NLGN1: variants seen among roughly 807,000 people sequenced by gnomAD.
The protein encoded by NLGN1 is neuroligin-1.
A neutral mutation model predicts 65.5 loss-of-function variants in NLGN1; 12 were observed. The ratio of observed to expected loss-of-function variants is 0.18; its 90% confidence interval spans 0.12 to 0.30. The LOEUF is 0.30. Among genes scored for constraint, NLGN1 ranks in the 10% least tolerant of loss-of-function variants. The pLI is 1.00. For synonymous variants in NLGN1, 350 were observed against 359.5 expected, an observed-to-expected ratio of 0.97 and a Z score of 0.30; for missense variants, 750 against 1,007.1, an observed-to-expected ratio of 0.74 and a Z score of 3.46.
rs568664441 is a variant in NLGN1, at chr3:174,041,919, T to G, written c.647-233396T>G. ...AAATACAAAAATTACCTGGGTGTGT[T>G]GGCAGGTGCCTGTAATTCCAGCTAT... On this transcript the variant is annotated intron_variant, in intron 4 of 6. Transcript: ENST00000457714. Among the ~76,000 whole-genome samples, 364 of 152,278 alleles carry G rather than the reference T, an allele frequency of 2.4e-3. 2 individuals are homozygous for G. The highest frequency in any genetic ancestry group is 0.015 in the South Asian group (72 of 4,824).
intron 3 of NLGN1, among the ~76,000 whole-genome samples, chr3:173,772,271 G>T (rs556803293): frequency 6.6e-6 from 1 of 152,074 alleles, no homozygotes; most frequent in South Asian, 2.1e-4. Context: ...AATCAAATTT[G>T]TTCACATTTT....
At chr3:173,515,367 T>A (rs1733656956) in intron 2 of NLGN1, among the ~76,000 whole-genome samples, 1 of 152,160 alleles carries the variant, frequency 6.6e-6, no homozygotes, top group Non-Finnish European at 1.5e-5. Context: ...ATTGAGTCCC[T>A]TATATATTTT....
chr3:173,590,351 A>ATACATAT (rs1748261989), intron 2 of NLGN1, among the ~76,000 whole-genome samples: 1 of 152,136 alleles, frequency 6.6e-6, no homozygotes, highest in Admixed American at 6.5e-5. Context: ...AACTGTGCCA[A>ATACATAT]GTGTTCTAAT....
At chr3:173,814,779 T>G (rs1405515478) in intron 4 of NLGN1, among the ~76,000 whole-genome samples, 8 of 152,176 alleles carry the variant, frequency 5.3e-5, no homozygotes, top group Non-Finnish European at 1.0e-4. Flanking sequence ...ATCAGTAGAT[T>G]GTTAGCTTTA....
intron 4 of NLGN1, among the ~76,000 whole-genome samples, chr3:173,904,927 C>A (rs994899546): frequency 6.6e-6 from 1 of 152,180 alleles, no homozygotes; most frequent in Non-Finnish European, 1.5e-5. Context: ...GAGGGCCAAC[C>A]TGCCCTGGCT....
chr3:174,213,212 A>C (rs1344414408), intron 4 of NLGN1, among the ~76,000 whole-genome samples: 9 of 152,186 alleles, frequency 5.9e-5, no homozygotes, highest in African/African-American at 1.9e-4. Flanking sequence ...CTATGGTTTA[A>C]ATTTTGGAGC....
At chr3:173,659,162 GAGTAATAATAAAATATCC>G (rs1467987153) in intron 3 of NLGN1, among the ~76,000 whole-genome samples, 3 of 151,890 alleles carry the variant, frequency 2.0e-5, no homozygotes, top group African/African-American at 7.3e-5. Context: ...TAACCAGTGC[GAGTAATAATAAAATATCC>G]AGTGAAAATA....
At chr3:173,884,536 A>C (rs543457557) in intron 4 of NLGN1, among the ~76,000 whole-genome samples, 1 of 152,310 alleles carries the variant, frequency 6.6e-6, no homozygotes, top group East Asian at 1.9e-4. Flanking sequence ...ATACTGATTT[A>C]GATTACTTAA....
At chr3:173,980,639 T>C (rs990582889) in intron 4 of NLGN1, among the ~76,000 whole-genome samples, 2 of 152,128 alleles carry the variant, frequency 1.3e-5, no homozygotes, top group African/African-American at 4.8e-5. Flanking sequence ...TGAAAGTTGA[T>C]ATGTTTTCAA....
At chr3:174,032,154 C>G (rs562255935) in intron 4 of NLGN1, among the ~76,000 whole-genome samples, 5 of 152,088 alleles carry the variant, frequency 3.3e-5, no homozygotes, top group African/African-American at 1.2e-4. Context: ...CAAGAAGCCA[C>G]TGGAGTATGT....
intron 4 of NLGN1, among the ~76,000 whole-genome samples, chr3:174,107,013 CACACAGAG>C (rs1180516275): frequency 7.4e-4 from 74 of 100,550 alleles, no homozygotes; most frequent in Middle Eastern, 0.01. Flanking sequence ...CACACACACA[CACACAGAG>C]AGAGAGAGAG....
intron 4 of NLGN1, among the ~76,000 whole-genome samples, chr3:173,811,336 G>A (rs1367756153): frequency 2.0e-5 from 3 of 152,002 alleles, no homozygotes; most frequent in Non-Finnish European, 2.9e-5. Flanking sequence ...GGCCAAGGTG[G>A]GTGGATGGCC....
intron 2 of NLGN1, among the ~76,000 whole-genome samples, chr3:173,500,954 C>T (rs544808778): frequency 3.3e-5 from 5 of 152,192 alleles, no homozygotes; most frequent in South Asian, 4.1e-4. Flanking sequence ...GCACTTAACA[C>T]GTTGCTTGCA....
At chr3:173,396,394 G>A (rs1285744104), upstream of NLGN1, 4 of 152,084 alleles carry the variant, frequency 2.6e-5, no homozygotes, top group Non-Finnish European at 5.9e-5. Context: ...AAGCATCTGT[G>A]GTGCTTTTCA....
chr3:173,662,325 T>G (rs574139121), intron 3 of NLGN1, among the ~76,000 whole-genome samples: 1 of 152,164 alleles, frequency 6.6e-6, no homozygotes, highest in African/African-American at 2.4e-5. Context: ...ATAGTTCTGC[T>G]ACATTTAAAA....
At chr3:173,495,050 A>T (rs1729772504) in intron 2 of NLGN1, among the ~76,000 whole-genome samples, 1 of 151,836 alleles carries the variant, frequency 6.6e-6, no homozygotes, top group Non-Finnish European at 1.5e-5. Flanking sequence ...TAAAATAGTC[A>T]CTAGAGTTAT....
At chr3:173,897,525 G>C (rs765678196) in intron 4 of NLGN1, among the ~76,000 whole-genome samples, 1 of 152,144 alleles carries the variant, frequency 6.6e-6, no homozygotes, top group Non-Finnish European at 1.5e-5. Context: ...GAGCTACTAA[G>C]TGTAGTCTCA....
chr3:174,122,312 G>A (rs982887984), intron 4 of NLGN1, among the ~76,000 whole-genome samples: 14 of 152,052 alleles, frequency 9.2e-5, no homozygotes, highest in African/African-American at 3.4e-4. Context: ...AACCCATTTG[G>A]AAGACTGGTT....
chr3:173,782,311 A>T (rs1294230070), intron 3 of NLGN1, among the ~76,000 whole-genome samples: 1 of 152,194 alleles, frequency 6.6e-6, no homozygotes, highest in Non-Finnish European at 1.5e-5. Flanking sequence ...AGCAACATAG[A>T]TCAGCAAATT....
Sources: gnomAD v4.1 joint callset for allele counts (sites outside exome capture counted in the v4.1 genomes callset) on GRCh38, gnomAD v4.1.1 for gene constraint, MANE v1.5 for transcripts, NCBI Gene and HGNC (gene_info 2026-07-23, HGNC 2026-07-21) for gene names.